Variants in WWTR1 observed in about 807,000 individuals in gnomAD.
WWTR1 encodes WW domain containing transcription regulator 1, also known as WW domain-containing transcription regulator protein 1.
WWTR1 carries 13 observed loss-of-function variants against 40.1 expected under a neutral mutation model. That is an observed-to-expected ratio of 0.32 (90% CI 0.21 to 0.52). WWTR1 has a LOEUF of 0.52. Among genes scored for constraint, WWTR1 ranks in the 20% least tolerant of loss-of-function variants. The probability of loss-of-function intolerance (pLI) is 0.97; values close to 1 mark genes in which losing one functional copy is unlikely to be tolerated. For synonymous variants in WWTR1, 230 were observed against 210.1 expected (o/e 1.09, Z -0.82); for missense variants, 436 against 523.1 (o/e 0.83, Z 1.63).
intron 2 of WWTR1, among the ~76,000 whole-genome samples, chr3:149,580,132 C>G (rs964400654): frequency 1.3e-5 from 2 of 152,214 alleles, no homozygotes; most frequent in Non-Finnish European, 2.9e-5. Flanking sequence ...GGGATAAATA[C>G]TGTTTGCATT....
chr3:149,659,350 T>TTTTTTTTTTTTTG (rs1713462576), upstream of WWTR1: 1 of 148,488 alleles, frequency 6.7e-6, no homozygotes, highest in African/African-American at 2.5e-5. Context: ...TTTTTTTTTT[T>TTTTTTTTTTTTTG]GAGTGACGTC....
intron 4 of WWTR1, among the ~76,000 whole-genome samples, chr3:149,721,047 T>C (rs1342128599): frequency 2.6e-5 from 4 of 152,320 alleles, no homozygotes; most frequent in Non-Finnish European, 1.5e-5. Context: ...TATGAGATCA[T>C]GTCATCTGCA....
chr3:149,652,138 C>T (rs1022752117), intron 2 of WWTR1, among the ~76,000 whole-genome samples: 4 of 151,786 alleles, frequency 2.6e-5, no homozygotes, highest in East Asian at 1.9e-4. Flanking sequence ...CCACTGCGCC[C>T]GGCCTTATGG....
At chr3:149,633,419 G>T (rs1711645553) in intron 2 of WWTR1, among the ~76,000 whole-genome samples, 1 of 152,130 alleles carries the variant, frequency 6.6e-6, no homozygotes, top group Non-Finnish European at 1.5e-5. Flanking sequence ...AAGTGTAATT[G>T]GTTAAGCAAA....
In WWTR1 at chr3:149,520,944, G is replaced by A. The variant is rs1560041368; in HGVS notation, c.1064C>T (p.Thr355Ile). 6.2e-7 allele frequency: 1 copy of A among 1,612,992 alleles called. No individual in the cohort carries two copies. The highest frequency in any genetic ancestry group is 2.2e-5 in the East Asian group (1 of 44,842). ...ACAGTCAAGGAAATCAGGGAAACGGGTCTGTTGGGGATTGATGTTCATGGG... is the reference window on the plus strand; with the variant it reads ...ACAGTCAAGGAAATCAGGGAAACGGATCTGTTGGGGATTGATGTTCATGGG... Reference protein sequence around the residue: ...QTPMNINPQQTRFPDFLDCLP... With the variant: ...QTPMNINPQQIRFPDFLDCLP... Residue 355 changes from threonine (T) to isoleucine (I), a missense_variant, in exon 7 of 7, where the codon ACC (threonine) becomes ATC (isoleucine). By Grantham distance (89) the Thr-to-Ile change is moderately conservative. Transcript: ENST00000360632.
intron 2 of WWTR1, among the ~76,000 whole-genome samples, chr3:149,651,033 C>A (rs905604272): frequency 2.0e-5 from 3 of 152,210 alleles, no homozygotes; most frequent in South Asian, 2.1e-4. Flanking sequence ...TGAACATCTC[C>A]TGTGCGCCAG....
intron 3 of WWTR1, among the ~76,000 whole-genome samples, chr3:149,568,523 C>CAAAAAAAAAAAAAAAAAAAA: frequency 1.5e-5 from 1 of 64,804 alleles, no homozygotes; most frequent in Non-Finnish European, 3.2e-5. Flanking sequence ...AATTAAAGTG[C>CAAAAAAAAAAAAAAAAAAAA]AAAAAAAAAA....
chr3:149,623,922 C>CAA (rs1740430993), intron 2 of WWTR1, among the ~76,000 whole-genome samples: 1 of 152,188 alleles, frequency 6.6e-6, no homozygotes, highest in Admixed American at 6.6e-5. Flanking sequence ...TGCATATATG[C>CAA]TTAGCTCTCC....
intron 1 of WWTR1, among the ~76,000 whole-genome samples, chr3:149,693,719 A>T (rs1224360613): frequency 6.6e-6 from 1 of 152,216 alleles, no homozygotes; most frequent in Non-Finnish European, 1.5e-5. Flanking sequence ...TTTTCAACAA[A>T]GGTACCAAGA....
At chr3:149,653,738 A>G (rs1021746838) in intron 2 of WWTR1, among the ~76,000 whole-genome samples, 6 of 152,116 alleles carry the variant, frequency 3.9e-5, no homozygotes, top group African/African-American at 1.4e-4. Flanking sequence ...GACATGGGGG[A>G]AAGGTGTCGG....
At chr3:149,660,567 C>A (rs917471663), upstream of WWTR1, among the ~76,000 whole-genome samples, 1 of 152,220 alleles carries the variant, frequency 6.6e-6, no homozygotes, top group African/African-American at 2.4e-5. Flanking sequence ...CCAACAACAG[C>A]TTCAGATTAA....
intron 4 of WWTR1, among the ~76,000 whole-genome samples, chr3:149,717,838 G>T (rs993663579): frequency 3.9e-5 from 6 of 152,042 alleles, no homozygotes; most frequent in African/African-American, 1.4e-4. Context: ...ATGGTAGCTT[G>T]TTAGTATTCA....
rs74400347 is a variant in WWTR1, at chr3:149,696,690, T to C, written c.-108+6434A>G. Among the ~76,000 whole-genome samples the C allele has an allele frequency of 9.8e-3, 1,486 of 152,296 alleles. 18 individuals are homozygous for C. The highest frequency in any genetic ancestry group is 0.034 in the African/African-American group (1,403 of 41,560). The stretch of plus-strand genomic sequence containing the variant: ...TTCCCAAATACCTCAGCATTGACCT[T>C]GACTCAGGCTGCTATGGGTTCTCCC... On this transcript the variant is annotated intron_variant, in intron 1 of 7. Transcript: ENST00000465804.
intron 1 of WWTR1, among the ~76,000 whole-genome samples, chr3:149,673,579 A>G (rs1320030205): frequency 6.6e-6 from 1 of 152,252 alleles, no homozygotes; most frequent in Non-Finnish European, 1.5e-5. Flanking sequence ...AATCAGCATC[A>G]GTATCTGGCA....
chr3:149,602,446 C>T (rs1739285198), intron 2 of WWTR1, among the ~76,000 whole-genome samples: 1 of 152,180 alleles, frequency 6.6e-6, no homozygotes, highest in Non-Finnish European at 1.5e-5. Context: ...CTGAGCAACC[C>T]TGAAATTCCA....
At chr3:149,710,725 G>A (rs989475875) in intron 5 of WWTR1, among the ~76,000 whole-genome samples, 3 of 151,340 alleles carry the variant, frequency 2.0e-5, no homozygotes, top group Admixed American at 1.3e-4. Context: ...GATTATAGGT[G>A]CACGCCACCA....
At chr3:149,680,277 C>T (rs1256515512) in intron 1 of WWTR1, among the ~76,000 whole-genome samples, 1 of 152,202 alleles carries the variant, frequency 6.6e-6, no homozygotes, top group Non-Finnish European at 1.5e-5. Context: ...GGCACAGTGG[C>T]TCATGCCTGT....
rs191689155 is a variant in WWTR1, at chr3:149,520,142, A to G, written c.*663T>C. ...CTGCTGCTACTTTCCCGCTGGAGGGACTAAGTTGTCTAGATGCTCTGCAGT... is the reference window on the plus strand; with the variant it reads ...CTGCTGCTACTTTCCCGCTGGAGGGGCTAAGTTGTCTAGATGCTCTGCAGT... On this transcript the variant is annotated 3_prime_UTR_variant, in exon 7 of 7. Transcript: ENST00000360632. 53 of 152,290 alleles carry G rather than the reference A, an allele frequency of 3.5e-4. No homozygotes were observed. Among genetic ancestry groups the G allele is most frequent in the African/African-American group, 1.2e-3 (49 of 41,558 alleles). 9.4% of individuals were successfully genotyped at this position (152,290 alleles called of 1,614,324 possible). A position where few individuals can be genotyped will look rare whatever the true frequency, so the allele number is the denominator to read the frequency against.
intron 2 of WWTR1, among the ~76,000 whole-genome samples, chr3:149,634,759 G>A (rs895066881): frequency 1.3e-5 from 2 of 152,208 alleles, no homozygotes; most frequent in Admixed American, 6.5e-5. Context: ...ATGCTCAGCT[G>A]GCATTCGCCC....
Sources: allele counts gnomAD v4.1 joint callset (sites outside exome capture counted in the v4.1 genomes callset), GRCh38; gene constraint gnomAD v4.1.1; transcripts MANE v1.5; gene names NCBI Gene and HGNC (gene_info 2026-07-23, HGNC 2026-07-21).